PTCD1: variants seen among roughly 807,000 people sequenced by gnomAD.
PTCD1 encodes pentatricopeptide repeat-containing protein 1, mitochondrial.
Under a neutral mutation model 53.4 loss-of-function variants are expected in PTCD1, and 50 were observed. The ratio of observed to expected loss-of-function variants is 0.94; its 90% confidence interval spans 0.75 to 1.19. The LOEUF (loss-of-function observed/expected upper bound fraction) is 1.19. PTCD1 is among the 50% of genes most tolerant of loss of function. The probability of loss-of-function intolerance (pLI) is 0.00; values close to 1 mark genes in which losing one functional copy is unlikely to be tolerated. For synonymous variants in PTCD1, 413 were observed against 394.8 expected (o/e 1.05, Z -0.55); for missense variants, 918 against 904.8 (o/e 1.01, Z -0.19).
At chr7:99,427,420 C>CG (rs1796090347) in intron 5 of PTCD1, among the ~76,000 whole-genome samples, 1 of 150,000 alleles carries the variant, frequency 6.7e-6, no homozygotes. Flanking sequence ...TGCCCGGCCG[C>CG]CCCTACTGGG....
At chr7:99,434,653 A>G (rs1584467811) in intron 2 of PTCD1, 137 bp downstream of exon 2, 1 of 1,087,984 alleles carries the variant, frequency 9.2e-7, no homozygotes, top group East Asian at 2.4e-5. Context: ...GGGTTGCGAT[A>G]CTTACAGCCA....
chr7:99,419,585 A>G lies in PTCD1; in HGVS notation c.*382T>C. 1.1e-6 allele frequency: 1 copy of G among 929,826 alleles called. No homozygotes were observed. Among genetic ancestry groups the G allele is most frequent in the Non-Finnish European group, 1.6e-6 (1 of 615,174 alleles). 57.6% of individuals were successfully genotyped at this position (929,826 alleles called of 1,614,324 possible). On this transcript the variant is annotated 3_prime_UTR_variant, in exon 8 of 8. Transcript: ENST00000292478. ...AAGGCTTCGCTGTCTATCAGCTGTG[A>G]TTTGTAAAAATAAAATCTTTAAATC... is the stretch of plus-strand genomic sequence containing the variant.
At chr7:99,432,006 TC>T (rs571467354) in intron 3 of PTCD1, among the ~76,000 whole-genome samples, 6 of 152,340 alleles carry the variant, frequency 3.9e-5, no homozygotes, top group East Asian at 3.9e-4. Flanking sequence ...ATAAAAGTCA[TC>T]GCCATTCTCC....
rs1795597381 is a variant in PTCD1 at position 99,417,939 on chromosome 7, T to C, written c.*2028A>G. 6 of 1,252,380 alleles carry C rather than the reference T, an allele frequency of 4.8e-6. No individual in the cohort carries two copies. Among genetic ancestry groups the C allele is most frequent in the Non-Finnish European group, 6.1e-6 (6 of 984,836 alleles). The allele number at this position is 1,252,380 out of a possible 1,614,324, so 77.6% of individuals were successfully genotyped here. ...AGTGAGTTCCTGTCCCTTTCAGTCC[T>C]CACAGTGATACTTTAACATTACCAT... On this transcript the variant is annotated 3_prime_UTR_variant, in exon 8 of 8. Coordinates refer to ENST00000292478, the MANE Select transcript of PTCD1 (RefSeq NM_015545.4).
At chr7:99,421,190 A>G (rs1248815128) in intron 7 of PTCD1, among the ~76,000 whole-genome samples, 3 of 152,122 alleles carry the variant, frequency 2.0e-5, no homozygotes, top group Non-Finnish European at 4.4e-5. Flanking sequence ...CTATAATCCC[A>G]GTGCTTTGGG....
intron 5 of PTCD1, among the ~76,000 whole-genome samples, chr7:99,426,208 C>CT (rs1179742950): frequency 2.2e-5 from 2 of 91,646 alleles, no homozygotes; most frequent in African/African-American, 3.4e-4. Flanking sequence ...GTCTCCCTCT[C>CT]CCTCTTTCCA....
At chr7:99,430,083 C>T (rs1796200733) in intron 3 of PTCD1, among the ~76,000 whole-genome samples, 1 of 152,226 alleles carries the variant, frequency 6.6e-6, no homozygotes, top group Non-Finnish European at 1.5e-5. Flanking sequence ...GTCCTGGCAG[C>T]AAGGTCTTCC....
Position 99,429,617 on chromosome 7 carries a change from C to A in PTCD1, c.784G>T (p.Asp262Tyr), listed in dbSNP as rs1231574210. 1 of 1,614,238 alleles carries A rather than the reference C, an allele frequency of 6.2e-7. No individual in the cohort carries two copies. The highest frequency in any genetic ancestry group is 2.2e-5 in the East Asian group (1 of 44,894). The change falls in exon 4 of 8, where the codon GAC (aspartate) becomes TAC (tyrosine). Residue 262 changes from aspartate (D) to tyrosine (Y), a missense_variant. Asp to Tyr is a radical substitution (Grantham distance 160). Transcript: ENST00000292478. ...AACACATCGAGGCACATCCTAAGGT[C>A]TGCGCACTTGGCAGCCATCTTCAGC... ...ALLKMAAKCA[D>Y]LRMCLDVFKE...
rs1584468361 is a variant in PTCD1 at position 99,435,017 on chromosome 7, T to C, written c.226A>G (p.Thr76Ala). ...LGSDPSHSNS[T>A]ATQEEDEEEE... ...TCCTCGTCTTCTTCCTGCGTGGCCGTGGAGTTGGAGTGGCTCGGGTCAGAG... is the reference window on the plus strand; with the variant it reads ...TCCTCGTCTTCTTCCTGCGTGGCCGCGGAGTTGGAGTGGCTCGGGTCAGAG... The change falls in exon 2 of 8, where the codon ACG becomes GCG. Residue 76 changes from threonine to alanine, a missense_variant. Coordinates refer to ENST00000292478, the MANE Select transcript of PTCD1 (RefSeq NM_015545.4). 18 of 1,614,058 alleles carry C rather than the reference T, an allele frequency of 1.1e-5. No individual in the cohort carries two copies. The highest frequency in any genetic ancestry group is 1.3e-5 in the Non-Finnish European group (15 of 1,179,990).
chr7:99,424,406 C>T (rs780271893), intron 6 of PTCD1, among the ~76,000 whole-genome samples: 21 of 152,226 alleles, frequency 1.4e-4, no homozygotes, highest in Non-Finnish European at 2.1e-4. Context: ...ATGAAATCCA[C>T]GCAGCACTTC....
At chr7:99,421,907 T>C (rs866880418) in intron 7 of PTCD1, among the ~76,000 whole-genome samples, 31 of 152,136 alleles carry the variant, frequency 2.0e-4, no homozygotes, top group African/African-American at 7.5e-4. Context: ...CATTGCAAAG[T>C]TGAAAAATCC....
chr7:99,429,193 G>T lies in PTCD1; in HGVS notation c.825C>A (p.His275Gln). Reference protein sequence around the residue: ...MCLDVFKEIIHKGHVVTEETF... With the variant: ...MCLDVFKEIIQKGHVVTEETF... ...TCTCCTCTGTGACCACGTGCCCTTT[G>T]TGGATGATTTCCTGGGGGAGGGAAC... is the stretch of plus-strand genomic sequence containing the variant. Residue 275 changes from histidine (H) to glutamine (Q), a missense_variant, in exon 5 of 8, where the codon CAC becomes CAA. Coordinates refer to ENST00000292478, the MANE Select transcript of PTCD1 (RefSeq NM_015545.4). 4 of 1,614,156 alleles carry T rather than the reference G, an allele frequency of 2.5e-6. No individual in the cohort carries two copies. Among genetic ancestry groups the T allele is most frequent in the Non-Finnish European group, 3.4e-6 (4 of 1,180,016 alleles).
chr7:99,433,318 C>A lies in PTCD1; in HGVS notation c.554G>T (p.Arg185Leu). ...NYTVLIGGCGRVGYLKKAFNL... is the reference protein window; with the variant it reads ...NYTVLIGGCGLVGYLKKAFNL... ...GAAGGCCTTCTTCAGGTAGCCAACC[C>A]GCCCGCAGCCCCCAATCAGCACCGT... is the stretch of plus-strand genomic sequence containing the variant. Residue 185 changes from arginine to leucine, a missense_variant, in exon 3 of 8, where the codon CGG (arginine) becomes CTG (leucine). Transcript: ENST00000292478. 1 of 1,614,178 alleles carries A rather than the reference C, an allele frequency of 6.2e-7. No individual in the cohort carries two copies. The highest frequency in any genetic ancestry group is 8.5e-7 in the Non-Finnish European group (1 of 1,180,032).
At chr7:99,435,356 A>T in intron 1 of PTCD1, 88 bp from the exon 2 acceptor site, 1 of 1,525,822 alleles carries the variant, frequency 6.6e-7, no homozygotes. Context: ...GTATGGGCCC[A>T]GGCCAGGCGC....
rs113262079 is a variant in PTCD1 at position 99,432,459 on chromosome 7, C to A, written c.594+819G>T. Among the ~76,000 whole-genome samples, 257 of 152,298 alleles carry A rather than the reference C, an allele frequency of 1.7e-3. 1 individual carries two copies. Among genetic ancestry groups the A allele is most frequent in the African/African-American group, 5.9e-3 (247 of 41,564 alleles). On this transcript the variant is annotated intron_variant, in intron 3 of 7. Coordinates refer to ENST00000292478, the MANE Select transcript of PTCD1 (RefSeq NM_015545.4). Reference sequence around the variant, plus strand: ...CTTAAACTTATTTATGACACAGAGACCTTTGCTCACATATTTTCCTGCTGA... The same window carrying A: ...CTTAAACTTATTTATGACACAGAGAACTTTGCTCACATATTTTCCTGCTGA...
At position 99,427,514 on chromosome 7, in the gene PTCD1, C is replaced by T. The variant is rs1796097403; in HGVS notation, c.915+1589G>A. ...CAGCCCCCCGCCCAGCCAGCCGCCCCGTCCGGGAGGTGAGCGGCGCCTCTG... is the reference window on the plus strand; with the variant it reads ...CAGCCCCCCGCCCAGCCAGCCGCCCTGTCCGGGAGGTGAGCGGCGCCTCTG... On this transcript the variant is annotated intron_variant, in intron 5 of 7. Coordinates refer to ENST00000292478, the MANE Select transcript of PTCD1 (RefSeq NM_015545.4). Among the ~76,000 whole-genome samples, 7 of 151,444 alleles carry T rather than the reference C, an allele frequency of 4.6e-5. No homozygotes were observed. In the South Asian group the frequency reaches 1.3e-3, roughly 27 times the overall value.
At chr7:99,434,062 A>C (rs894930870) in intron 2 of PTCD1, among the ~76,000 whole-genome samples, 7 of 133,856 alleles carry the variant, frequency 5.2e-5, no homozygotes, top group African/African-American at 1.1e-4. Context: ...AAAAAAAAAA[A>C]AAAAACAAAA....
intron 4 of PTCD1, 117 bp downstream of exon 4, chr7:99,429,471 C>T (rs1408074586): frequency 2.8e-5 from 41 of 1,470,880 alleles, no homozygotes; most frequent in South Asian, 3.6e-5. Flanking sequence ...GGCCCAATAC[C>T]GGCTGTCTCA....
rs985618559 is a variant in PTCD1 at position 99,418,207 on chromosome 7, T to C, written c.*1760A>G. ...GTCTCGAACTCCCGACCTCAGGTGATCCACCCGCCTCAGCCTCCCAAAGTG... is the reference window on the plus strand; with the variant it reads ...GTCTCGAACTCCCGACCTCAGGTGACCCACCCGCCTCAGCCTCCCAAAGTG... On this transcript the variant is annotated 3_prime_UTR_variant, in exon 8 of 8. Transcript: ENST00000292478. The C allele has an allele frequency of 5.8e-6, 1 of 173,428 alleles. No individual in the cohort carries two copies. The allele number at this position is 173,428 out of a possible 1,614,324, so 10.7% of individuals were successfully genotyped here. A position where few individuals can be genotyped will look rare whatever the true frequency, so the allele number is the denominator to read the frequency against.
Sources: allele counts gnomAD v4.1 joint callset (sites outside exome capture counted in the v4.1 genomes callset), GRCh38; gene constraint gnomAD v4.1.1; transcripts MANE v1.5; gene names NCBI Gene and HGNC (gene_info 2026-07-23, HGNC 2026-07-21).